RPTOR: variants seen among roughly 807,000 people sequenced by gnomAD.
RPTOR encodes regulatory associated protein of MTOR complex 1.
A neutral mutation model predicts 169.9 loss-of-function variants in RPTOR; 21 were observed. That is an observed-to-expected ratio of 0.12 (90% CI 0.09 to 0.18). The LOEUF (loss-of-function observed/expected upper bound fraction) is 0.18, where lower values mean the gene tolerates loss of function less well. Among genes scored for constraint, RPTOR ranks in the 10% least tolerant of loss-of-function variants. The probability of loss-of-function intolerance (pLI) is 1.00; values close to 1 mark genes in which losing one functional copy is unlikely to be tolerated. For synonymous variants in RPTOR, 732 were observed against 753.2 expected (o/e 0.97, Z 0.46); for missense variants, 1,133 against 1,855.9 (o/e 0.61, Z 7.16).
chr17:80,930,248 AGCTCATCCCCAGCTCATC>A (rs2068866221), intron 24 of RPTOR, among the ~76,000 whole-genome samples: 1 of 145,952 alleles, frequency 6.9e-6, no homozygotes, highest in Non-Finnish European at 1.5e-5. Context: ...TCCTCAGCTC[AGCTCATCCCCAGCTCATC>A]CTCAGCTCAT....
In RPTOR at chr17:80,923,542, G is replaced by A. The variant is rs745993300; in HGVS notation, c.2677G>A (p.Ala893Thr). 17 of 1,613,218 alleles carry A rather than the reference G, an allele frequency of 1.1e-5. No homozygotes were observed. The highest frequency in any genetic ancestry group is 1.4e-5 in the Non-Finnish European group (16 of 1,180,002). Residue 893 changes from alanine (A) to threonine (T), a missense_variant, in exon 23 of 34, where the codon GCC becomes ACC. By Grantham distance (58) the Ala-to-Thr change is moderately conservative. Transcript: ENST00000306801. ...CAGCTCCAGCCTGACCAACGATGTG[G>A]CCAAGCAGCCGGTCAGCCGAGACTT... ...TSSSSLTNDVAKQPVSRDLPS... is the reference protein window; with the variant it reads ...TSSSSLTNDVTKQPVSRDLPS...
chr17:80,649,245 C>T (rs893684038), intron 3 of RPTOR, among the ~76,000 whole-genome samples: 1 of 152,180 alleles, frequency 6.6e-6, no homozygotes, highest in Admixed American at 6.5e-5. Context: ...GACCGTTACT[C>T]GCTGTGACTC....
At position 80,681,663 on chromosome 17, in the gene RPTOR, T is replaced by TTGAATTTCATTTGATTCTTAAATATTTG. The variant is rs1567854335; in HGVS notation, c.349-26178_349-26177insTGAATTTCATTTGATTCTTAAATATTTG. 2.4e-4 allele frequency among the ~76,000 whole-genome samples: 21 copies of TTGAATTTCATTTGATTCTTAAATATTTG among 86,982 alleles called. 1 individual carries two copies. The highest frequency in any genetic ancestry group is 4.3e-4 in the African/African-American group (6 of 13,992). 57.1% of individuals were successfully genotyped at this position (86,982 alleles called of 152,430 possible). A position where few individuals can be genotyped will look rare whatever the true frequency, so the allele number is the denominator to read the frequency against. ...GTACGTCTCTTACACCTTCATGAGGTGTACGTCTCTTACAGCTTCATGAGG... is the reference window on the plus strand; with the variant it reads ...GTACGTCTCTTACACCTTCATGAGGTTGAATTTCATTTGATTCTTAAATATTTGGTACGTCTCTTACAGCTTCATGAGG... On this transcript the variant is annotated intron_variant, in intron 3 of 33. Coordinates refer to ENST00000306801, the MANE Select transcript of RPTOR (RefSeq NM_020761.3).
chr17:80,956,100 C>T lies in RPTOR; in HGVS notation c.3371-1524C>T, dbSNP rs145472555. ...GAAGGCATGTTACGTTGTTGATGAG[C>T]GTGCGTAAGCAGGAAAACCTCAGCA... is the stretch of plus-strand genomic sequence containing the variant. On this transcript the variant is annotated intron_variant, in intron 28 of 33. Transcript: ENST00000306801. 5.2e-3 allele frequency among the ~76,000 whole-genome samples: 787 copies of T among 152,132 alleles called. 3 individuals carry two copies. Among genetic ancestry groups the T allele is most frequent in the Non-Finnish European group, 8.0e-3 (542 of 67,992 alleles).
chr17:80,752,396 C>A (rs2629394), intron 5 of RPTOR, among the ~76,000 whole-genome samples: 1 of 152,374 alleles, frequency 6.6e-6, no homozygotes, highest in East Asian at 1.9e-4. Flanking sequence ...TTGTGCGCAG[C>A]TGCTGTGCCT....
chr17:80,638,435 G>A (rs1318617682), intron 2 of RPTOR, among the ~76,000 whole-genome samples: 9 of 127,952 alleles, frequency 7.0e-5, no homozygotes, highest in Non-Finnish European at 1.4e-4. Context: ...TTTTTGAGAC[G>A]GAGTCACATA....
At chr17:80,943,563 G>C (rs570772517) in intron 25 of RPTOR, among the ~76,000 whole-genome samples, 1 of 152,074 alleles carries the variant, frequency 6.6e-6, no homozygotes, top group Non-Finnish European at 1.5e-5. Flanking sequence ...GCCAACTTCT[G>C]TGGCTCCCCC....
At chr17:80,608,850 G>A (rs546677252) in intron 1 of RPTOR, among the ~76,000 whole-genome samples, 33 of 152,342 alleles carry the variant, frequency 2.2e-4, no homozygotes, top group African/African-American at 2.9e-4. Context: ...GCTTCTGCGC[G>A]TGGTTCAGAT....
chr17:80,962,914 T>C lies in RPTOR; in HGVS notation c.3810-14T>C, dbSNP rs770007845. 6.2e-7 allele frequency: 1 copy of C among 1,613,322 alleles called. No individual in the cohort carries two copies. The highest frequency in any genetic ancestry group is 1.7e-5 in the Admixed American group (1 of 60,010). On this transcript the variant is annotated splice_polypyrimidine_tract_variant and intron_variant, in intron 32 of 33. Coordinates refer to ENST00000306801, the MANE Select transcript of RPTOR (RefSeq NM_020761.3). ...AAGAGGGCAGTGATGCCGGGACCCT[T>C]TCTCTCCCCACAGTGGCTCCGTCAA...
At chr17:80,681,623 ACACCTTCATGAGGTGTACG>A (rs2065898838) in intron 3 of RPTOR, among the ~76,000 whole-genome samples, 1 of 142,570 alleles carries the variant, frequency 7.0e-6, no homozygotes, top group Non-Finnish European at 1.5e-5. Context: ...TACGTCTCTT[ACACCTTCATGAGGTGTACG>A]TCTCTTACAC....
chr17:80,619,116 G>A (rs1226864869), intron 1 of RPTOR, among the ~76,000 whole-genome samples: 4 of 152,096 alleles, frequency 2.6e-5, no homozygotes, highest in Admixed American at 6.5e-5. Flanking sequence ...GAGCGCTCCC[G>A]GGAATTGGGT....
intron 7 of RPTOR, among the ~76,000 whole-genome samples, chr17:80,806,761 A>G (rs1438242871): frequency 6.6e-6 from 1 of 151,978 alleles, no homozygotes; most frequent in Non-Finnish European, 1.5e-5. Flanking sequence ...CCCATTTTTA[A>G]TTAGGAATAT....
intron 14 of RPTOR, among the ~76,000 whole-genome samples, chr17:80,882,558 C>T (rs1485028111): frequency 2.6e-5 from 4 of 152,142 alleles, no homozygotes; most frequent in South Asian, 2.1e-4. Context: ...GCTCAGTCAC[C>T]ACTCAGGAAT....
chr17:80,739,562 G>A (rs1289099997), intron 5 of RPTOR, among the ~76,000 whole-genome samples: 1 of 152,074 alleles, frequency 6.6e-6, no homozygotes, highest in Non-Finnish European at 1.5e-5. Context: ...CATCAAGGTC[G>A]GTCACATCCT....
intron 9 of RPTOR, among the ~76,000 whole-genome samples, chr17:80,830,752 C>CT (rs34990055): frequency 0.12 from 16,961 of 142,652 alleles, 1,113 homozygotes; most frequent in Middle Eastern, 0.19. Flanking sequence ...TCATTTTCAT[C>CT]TTTTTTTTTT....
chr17:80,963,070 G>A lies in RPTOR; in HGVS notation c.3939+13G>A. The A allele has an allele frequency of 1.3e-6, 2 of 1,537,134 alleles. No homozygotes were observed. The highest frequency in any genetic ancestry group is 1.2e-5 in the South Asian group (1 of 84,708). On this transcript the variant is annotated intron_variant, in intron 33 of 33. Coordinates refer to ENST00000306801, the MANE Select transcript of RPTOR (RefSeq NM_020761.3). The stretch of plus-strand genomic sequence containing the variant: ...CCACCCGCACTGGGTCAGTGTGGCG[G>A]TGGGTGGGGGTCGGGGGTCGGGGGC...
At chr17:80,834,162 C>G (rs1019311107) in intron 9 of RPTOR, among the ~76,000 whole-genome samples, 41 of 152,226 alleles carry the variant, frequency 2.7e-4, no homozygotes, top group African/African-American at 9.9e-4. Context: ...CCTCCGTCTT[C>G]CCTGCCTTGC....
chr17:80,642,131 T>TTTG (rs564517974), intron 2 of RPTOR, among the ~76,000 whole-genome samples: 31 of 150,214 alleles, frequency 2.1e-4, no homozygotes, highest in African/African-American at 6.1e-4. Flanking sequence ...CAACTTCTTT[T>TTTG]TTGTTGTTGT....
chr17:80,664,437 G>C (rs1009612811), intron 3 of RPTOR, among the ~76,000 whole-genome samples: 2 of 151,870 alleles, frequency 1.3e-5, no homozygotes, highest in African/African-American at 2.4e-5. Flanking sequence ...TCTCCTCCTC[G>C]ATGGCCTACC....
Sources: gnomAD v4.1 joint callset for allele counts (sites outside exome capture counted in the v4.1 genomes callset) on GRCh38, gnomAD v4.1.1 for gene constraint, MANE v1.5 for transcripts, NCBI Gene and HGNC (gene_info 2026-07-23, HGNC 2026-07-21) for gene names.